ZNF496: variants seen among roughly 807,000 people sequenced by gnomAD.
The protein encoded by ZNF496 is zinc finger protein 496.
In ZNF496, 11 loss-of-function variants were observed where a neutral mutation model predicts 58.9. That is an observed-to-expected ratio of 0.19 (90% CI 0.12 to 0.31). ZNF496 has a LOEUF of 0.31. ZNF496 is among the 10% of genes least tolerant of loss of function. ZNF496 has a pLI of 1.00. For missense variants in ZNF496, 660 were observed against 783.0 expected (o/e 0.84, Z 1.88); for synonymous variants, 338 against 318.2 (o/e 1.06, Z -0.66).
At chr1:247,322,617 G>T in intron 6 of ZNF496, 1 of 861,248 alleles carries the variant, frequency 1.2e-6, no homozygotes, top group Non-Finnish European at 1.6e-6. Flanking sequence ...CCCTGACTCT[G>T]ACTCCTCAGA....
Position 247,331,831 on chromosome 1 carries a change from C to A in ZNF496, c.-411G>T, listed in dbSNP as rs1026616223. The A allele has an allele frequency of 6.7e-6, 1 of 148,700 alleles. No individual in the cohort carries two copies. The highest frequency in any genetic ancestry group is 2.4e-5 in the African/African-American group (1 of 40,940). 9.2% of individuals were successfully genotyped at this position (148,700 alleles called of 1,614,324 possible). ...TGTTGGCGGGCGGCGCAGGCCTGGC[C>A]GCCGCGGGAGCCCGCCGGACGCCGA... On this transcript the variant is annotated 5_prime_UTR_variant, in exon 1 of 10. Coordinates refer to ENST00000682384, the MANE Select transcript of ZNF496 (RefSeq NM_032752.3).
chr1:247,307,455 G>A, intron 9 of ZNF496: 1 of 985,410 alleles, frequency 1.0e-6, no homozygotes, highest in Non-Finnish European at 1.2e-6. Context: ...TGGGCAGAAA[G>A]AAGCTAGAGA....
intron 5 of ZNF496, among the ~76,000 whole-genome samples, chr1:247,326,340 G>C (rs1343933549): frequency 6.6e-6 from 1 of 152,048 alleles, no homozygotes; most frequent in African/African-American, 2.4e-5. Flanking sequence ...TGTCCCAATA[G>C]TTAAGGTTTT....
At chr1:247,303,448 G>A (rs1659310256) in intron 9 of ZNF496, among the ~76,000 whole-genome samples, 1 of 152,206 alleles carries the variant, frequency 6.6e-6, no homozygotes, top group Non-Finnish European at 1.5e-5. Flanking sequence ...CTGTCGAAGT[G>A]ATTTTAGAAC....
At position 247,329,585 on chromosome 1, in the gene ZNF496, A is replaced by G. The variant is rs778628761; in HGVS notation, c.-7T>C. Reference sequence around the variant, plus strand: ...GGCACAGGGCTGTGGGCATGATGGGATTTGATGGGGGTCAGCAGCAGAAGA... The same window carrying G: ...GGCACAGGGCTGTGGGCATGATGGGGTTTGATGGGGGTCAGCAGCAGAAGA... On this transcript the variant is annotated 5_prime_UTR_variant, in exon 4 of 10. Coordinates refer to ENST00000682384, the MANE Select transcript of ZNF496 (RefSeq NM_032752.3). The surrounding 1 kb of genome is among the most constrained non-coding windows in gnomAD (Gnocchi z 5.5). The G allele has an allele frequency of 5.8e-5, 90 of 1,539,168 alleles. No homozygotes were observed. Among genetic ancestry groups the G allele is most frequent in the Non-Finnish European group, 7.4e-5 (85 of 1,148,904 alleles).
chr1:247,328,146 A>C (rs948084434), intron 5 of ZNF496, among the ~76,000 whole-genome samples: 1 of 152,184 alleles, frequency 6.6e-6, no homozygotes, highest in Admixed American at 6.5e-5. Context: ...TGTAGCTACC[A>C]TGTACTTCAT....
In ZNF496 at chr1:247,308,645, G is replaced by A. The variant is rs1354676626; in HGVS notation, c.893-57C>T. The A allele has an allele frequency of 1.3e-6, 2 of 1,503,760 alleles. No individual in the cohort carries two copies. The highest frequency in any genetic ancestry group is 2.8e-5 in the African/African-American group (2 of 72,658). The allele number at this position is 1,503,760 out of a possible 1,614,324, so 93.2% of individuals were successfully genotyped here. On this transcript the variant is annotated intron_variant, in intron 8 of 9. Coordinates refer to ENST00000682384, the MANE Select transcript of ZNF496 (RefSeq NM_032752.3). The surrounding 1 kb of genome is among the most constrained non-coding windows in gnomAD (Gnocchi z 4.5). ...TGTTTTGCACCTACAGCACTACCTG[G>A]GAGGGTGCTATCCGAATAGATGCCA...
chr1:247,329,502 C>T lies in ZNF496; in HGVS notation c.77G>A (p.Gly26Glu), dbSNP rs1558159875. 6.3e-7 allele frequency: 1 copy of T among 1,591,064 alleles called. No homozygotes were observed. The highest frequency in any genetic ancestry group is 8.5e-7 in the Non-Finnish European group (1 of 1,172,162). Residue 26 changes from glycine (G) to glutamate (E), a missense_variant, in exon 4 of 10, where the codon GGA (glycine) becomes GAA (glutamate). Physicochemically the swap from Gly to Glu is moderately conservative, Grantham distance 98 (BLOSUM62 -2). Coordinates refer to ENST00000682384, the MANE Select transcript of ZNF496 (RefSeq NM_032752.3). This position sits in a 1 kb window ranked among gnomAD's most constrained non-coding sequence, Gnocchi z 5.5. ...EEPRKMRSPP[G>E]ENPSPQGELP... ...CTCCCCCTGGGGGCTAGGGTTCTCTCCAGGTGGGCTCCTCATTTTCCTGGG... is the reference window on the plus strand; with the variant it reads ...CTCCCCCTGGGGGCTAGGGTTCTCTTCAGGTGGGCTCCTCATTTTCCTGGG...
intron 5 of ZNF496, among the ~76,000 whole-genome samples, chr1:247,327,089 A>G (rs1660157042): frequency 1.3e-5 from 2 of 151,642 alleles, no homozygotes; most frequent in Non-Finnish European, 2.9e-5. Context: ...TTTGAGATGG[A>G]GTTTTACTGT....
At chr1:247,326,127 C>CATAT (rs769921242) in intron 5 of ZNF496, among the ~76,000 whole-genome samples, 7 of 147,250 alleles carry the variant, frequency 4.8e-5, no homozygotes, top group African/African-American at 1.8e-4. Flanking sequence ...TATATACATA[C>CATAT]ATATATATAT....
chr1:247,323,523 G>T (rs142385251), intron 5 of ZNF496, among the ~76,000 whole-genome samples: 244 of 152,256 alleles, frequency 1.6e-3, no homozygotes, highest in African/African-American at 5.5e-3. Context: ...GTGTGCCTGG[G>T]TTCATGATAG....
intron 9 of ZNF496, chr1:247,307,188 C>T: frequency 3.0e-6 from 3 of 985,438 alleles, no homozygotes; most frequent in Non-Finnish European, 3.6e-6. Flanking sequence ...GACCTTATCA[C>T]CAGCTATCCG....
At chr1:247,301,347 G>A in intron 9 of ZNF496, 71 bp from the exon 10 acceptor site, 1 of 1,470,036 alleles carries the variant, frequency 6.8e-7, no homozygotes, top group Non-Finnish European at 9.0e-7. Context: ...CCGCGGCGGA[G>A]GAACACTCAG....
chr1:247,316,924 C>T (rs79543803), intron 6 of ZNF496, among the ~76,000 whole-genome samples: 3 of 152,102 alleles, frequency 2.0e-5, no homozygotes, highest in Non-Finnish European at 4.4e-5. Context: ...TTGTGAGGCA[C>T]ACAAATAAAT....
Position 247,301,197 on chromosome 1 carries a change from G to A in ZNF496, c.1086C>T (p.Asp362=), listed in dbSNP as rs775487254. 33 of 1,581,912 alleles carry A rather than the reference G, an allele frequency of 2.1e-5. No homozygotes were observed. The highest frequency in any genetic ancestry group is 6.7e-5 in the East Asian group (3 of 44,450). ...AGTACGGGCCATGCTGGGAGTCCTC[G>A]TCCCCAGAGCTGGAGAGAACGATCT... The part of the protein sequence containing the change: ...TIEIVLSSSG[D]EDSQHGPYCT... The change falls in exon 10 of 10, where the codon GAC becomes GAT. Residue 362 remains aspartate, a synonymous_variant. Coordinates refer to ENST00000682384, the MANE Select transcript of ZNF496 (RefSeq NM_032752.3).
intron 2 of ZNF496, among the ~76,000 whole-genome samples, chr1:247,331,210 C>A (rs930702045): frequency 2.0e-5 from 3 of 152,378 alleles, no homozygotes; most frequent in Admixed American, 1.3e-4. Context: ...GCGTCGGAGG[C>A]TCGGAGGAGA....
In ZNF496 at chr1:247,308,402, A is replaced by T; in HGVS notation, c.1006+73T>A. The T allele has an allele frequency of 7.5e-7, 1 of 1,325,212 alleles. No homozygotes were observed. The highest frequency in any genetic ancestry group is 1.2e-5 in the South Asian group (1 of 83,712). 82.1% of individuals were successfully genotyped at this position (1,325,212 alleles called of 1,614,324 possible). ...AACACAACCATCCCCTATGCCACAC[A>T]TGCATACATACATTCATGCGACACA... is the stretch of plus-strand genomic sequence containing the variant. On this transcript the variant is annotated intron_variant, in intron 9 of 9. Transcript: ENST00000682384. This position sits in a 1 kb window ranked among gnomAD's most constrained non-coding sequence, Gnocchi z 4.5.
chr1:247,309,857 A>G lies in ZNF496; in HGVS notation c.785-51T>C, dbSNP rs1234467170. ...ATGTTTATTAGTAATCTGATCCTGC[A>G]GCAACCAGGGCTGGTCCAGAAGAGA... On this transcript the variant is annotated intron_variant, in intron 7 of 9. Coordinates refer to ENST00000682384, the MANE Select transcript of ZNF496 (RefSeq NM_032752.3). The surrounding 1 kb of genome is among the most constrained non-coding windows in gnomAD (Gnocchi z 4.3). The G allele has an allele frequency of 6.3e-7, 1 of 1,594,496 alleles. No homozygotes were observed. The highest frequency in any genetic ancestry group is 1.1e-5 in the South Asian group (1 of 89,808).
At chr1:247,314,877 G>A (rs1166054477) in intron 6 of ZNF496, among the ~76,000 whole-genome samples, 2 of 152,048 alleles carry the variant, frequency 1.3e-5, no homozygotes, top group Non-Finnish European at 2.9e-5. Context: ...CCCCTAAGTA[G>A]CTGGGACTCT....
Sources: gnomAD v4.1 joint callset for allele counts (sites outside exome capture counted in the v4.1 genomes callset) on GRCh38, gnomAD v4.1.1 for gene constraint, Gnocchi (gnomAD v3.1) non-coding constraint, MANE v1.5 for transcripts, NCBI Gene and HGNC (gene_info 2026-07-23, HGNC 2026-07-21) for gene names.